The following SOCS5 variants were observed in gnomAD, a reference collection of about 807,000 sequenced individuals.
SOCS5 encodes suppressor of cytokine signaling 5, also known as CIS-6.
Under a neutral mutation model 42.8 loss-of-function variants are expected in SOCS5, and 32 were observed. That is an observed-to-expected ratio of 0.75 (90% CI 0.56 to 1.01). SOCS5 has a LOEUF of 1.01. Among genes scored for constraint, SOCS5 ranks in the 50% least tolerant of loss-of-function variants. SOCS5 has a pLI of 0.00. For missense variants in SOCS5, 627 were observed against 653.0 expected (o/e 0.96, Z 0.43); for synonymous variants, 283 against 229.6 (o/e 1.23, Z -2.10).
chr2:46,709,240 A>G (rs1352903384), intron 1 of SOCS5, among the ~76,000 whole-genome samples: 1 of 152,090 alleles, frequency 6.6e-6, no homozygotes, highest in Non-Finnish European at 1.5e-5. Context: ...TTACCTTTCC[A>G]GCCCCTTAGA....
At chr2:46,753,710 T>C (rs1274893688) in intron 1 of SOCS5, among the ~76,000 whole-genome samples, 1 of 152,070 alleles carries the variant, frequency 6.6e-6, no homozygotes, top group Non-Finnish European at 1.5e-5. Context: ...TGGTATTTCT[T>C]GATTATATGC....
intron 1 of SOCS5, among the ~76,000 whole-genome samples, chr2:46,735,036 C>T (rs575900949): frequency 5.3e-5 from 8 of 152,198 alleles, no homozygotes; most frequent in African/African-American, 1.9e-4. Flanking sequence ...TCATTAAAAC[C>T]TAGCTCATGA....
At chr2:46,708,549 G>A (rs1489436792) in intron 1 of SOCS5, among the ~76,000 whole-genome samples, 5 of 152,100 alleles carry the variant, frequency 3.3e-5, no homozygotes, top group African/African-American at 4.8e-5. Flanking sequence ...ATGATAATGC[G>A]TTCAGAACAA....
intron 1 of SOCS5, among the ~76,000 whole-genome samples, chr2:46,704,453 A>T (rs747254959): frequency 2.0e-4 from 31 of 152,216 alleles, no homozygotes; most frequent in Non-Finnish European, 4.6e-4. Flanking sequence ...TAGTTGGAGG[A>T]AGGGGAGTTA....
Position 46,760,066 on chromosome 2 carries a change from T to C in SOCS5, c.1536T>C (p.Asp512=), listed in dbSNP as rs759697617. The change falls in exon 2 of 2, where the codon GAT becomes GAC. Residue 512 remains aspartate (D), a synonymous_variant. Transcript: ENST00000394861. ...TCCCTCTACCCTCAATGTTACAGGA[T>C]TTTTTAAAAGAGTATCATTATAAAC... The part of the protein sequence containing the change: ...DGLPLPSMLQ[D]FLKEYHYKQK... 1.8e-5 allele frequency: 29 copies of C among 1,613,904 alleles called. No individual in the cohort carries two copies. In the South Asian group the frequency reaches 2.4e-4, roughly 13 times the overall value.
chr2:46,719,547 T>TAAC (rs1672833170), intron 1 of SOCS5, among the ~76,000 whole-genome samples: 8 of 152,350 alleles, frequency 5.3e-5, no homozygotes, highest in Middle Eastern at 3.4e-3. Context: ...CAGGTGTGGA[T>TAAC]GTCCTTATGT....
chr2:46,700,065 T>A (rs1184042498), intron 1 of SOCS5, among the ~76,000 whole-genome samples: 1 of 152,180 alleles, frequency 6.6e-6, no homozygotes, highest in African/African-American at 2.4e-5. Flanking sequence ...CTGCAACTAC[T>A]TGGGCTCCTA....
intron 1 of SOCS5, among the ~76,000 whole-genome samples, chr2:46,737,105 C>T (rs1212846904): frequency 6.6e-6 from 1 of 152,176 alleles, no homozygotes; most frequent in East Asian, 1.9e-4. Flanking sequence ...TCACCTCTCC[C>T]AATCTTAGCT....
At position 46,761,728 on chromosome 2, in the gene SOCS5, G is replaced by C. The variant is rs1277276931; in HGVS notation, c.*1587G>C. ...ATAGTTAATGCAGAGTTAATGAACAGTCTAATATTGACTTATCAGAATAAG... is the reference window on the plus strand; with the variant it reads ...ATAGTTAATGCAGAGTTAATGAACACTCTAATATTGACTTATCAGAATAAG... On this transcript the variant is annotated 3_prime_UTR_variant, in exon 2 of 2. Coordinates refer to ENST00000394861, the MANE Select transcript of SOCS5 (RefSeq NM_144949.3). The C allele has an allele frequency of 2.4e-5, 4 of 166,508 alleles. No homozygotes were observed. Among genetic ancestry groups the C allele is most frequent in the African/African-American group, 4.8e-5 (2 of 41,458 alleles). 10.3% of individuals were successfully genotyped at this position (166,508 alleles called of 1,614,324 possible).
At chr2:46,706,650 GA>G (rs1243166308) in intron 1 of SOCS5, among the ~76,000 whole-genome samples, 1 of 152,164 alleles carries the variant, frequency 6.6e-6, no homozygotes, top group East Asian at 1.9e-4. Flanking sequence ...TCGTTTAATA[GA>G]AAAGTCACCA....
At chr2:46,750,195 C>T (rs1194962424) in intron 1 of SOCS5, among the ~76,000 whole-genome samples, 1 of 152,146 alleles carries the variant, frequency 6.6e-6, no homozygotes, top group Non-Finnish European at 1.5e-5. Context: ...ATCCGCTTTT[C>T]ATTCTGGTGC....
chr2:46,733,584 A>G (rs1673176900), intron 1 of SOCS5, among the ~76,000 whole-genome samples: 1 of 151,204 alleles, frequency 6.6e-6, no homozygotes. Flanking sequence ...AAAAAAAGAA[A>G]AAAAAAAAAA....
Position 46,704,255 on chromosome 2 carries a change from C to T in SOCS5, c.-13+4806C>T, listed in dbSNP as rs138156985. On this transcript the variant is annotated intron_variant, in intron 1 of 1. Transcript: ENST00000394861. ...ACTTCCTTATTTTATTTGAAGATGACCATAAACAGGAACAATGTCCAGTCT... is the reference window on the plus strand; with the variant it reads ...ACTTCCTTATTTTATTTGAAGATGATCATAAACAGGAACAATGTCCAGTCT... Among the ~76,000 whole-genome samples, 657 of 152,170 alleles carry T rather than the reference C, an allele frequency of 4.3e-3. 2 individuals are homozygous for T. Among genetic ancestry groups the T allele is most frequent in the South Asian group, 0.027 (128 of 4,810 alleles).
At chr2:46,731,396 G>C (rs1281012501) in intron 1 of SOCS5, among the ~76,000 whole-genome samples, 1 of 152,204 alleles carries the variant, frequency 6.6e-6, no homozygotes, top group African/African-American at 2.4e-5. Context: ...TAGACTTTCA[G>C]CCTCCAGAAC....
intron 1 of SOCS5, among the ~76,000 whole-genome samples, chr2:46,741,324 C>G (rs986275398): frequency 6.6e-6 from 1 of 152,062 alleles, no homozygotes; most frequent in Non-Finnish European, 1.5e-5. Flanking sequence ...GCTGCAACCT[C>G]CACCTCCCAG....
intron 1 of SOCS5, among the ~76,000 whole-genome samples, chr2:46,733,057 A>C (rs910027995): frequency 2.0e-5 from 3 of 151,670 alleles, no homozygotes; most frequent in African/African-American, 7.3e-5. Flanking sequence ...AGGCCTGTTT[A>C]CATACTAGAT....
intron 1 of SOCS5, among the ~76,000 whole-genome samples, chr2:46,742,675 T>C (rs1330692985): frequency 1.3e-5 from 2 of 151,370 alleles, no homozygotes; most frequent in Admixed American, 6.6e-5. Flanking sequence ...TTACTACTTC[T>C]TTTTTTTTGA....
At chr2:46,741,425 C>T (rs981976855) in intron 1 of SOCS5, among the ~76,000 whole-genome samples, 2 of 152,068 alleles carry the variant, frequency 1.3e-5, no homozygotes, top group African/African-American at 4.8e-5. Context: ...TTTTACAAAT[C>T]CCAAAGTGTT....
In SOCS5 at chr2:46,761,080, G is replaced by T. The variant is rs1673858104; in HGVS notation, c.*939G>T. ...ACTATAATTAATAATTTGGATGGCA[G>T]AATTTATCTCTTTTTTGTAAACTCT... On this transcript the variant is annotated 3_prime_UTR_variant, in exon 2 of 2. Coordinates refer to ENST00000394861, the MANE Select transcript of SOCS5 (RefSeq NM_144949.3). 6.0e-6 allele frequency: 1 copy of T among 167,066 alleles called. No individual in the cohort carries two copies. The highest frequency in any genetic ancestry group is 2.4e-5 in the African/African-American group (1 of 41,440). 10.3% of individuals were successfully genotyped at this position (167,066 alleles called of 1,614,324 possible).
Sources: allele counts gnomAD v4.1 joint callset (sites outside exome capture counted in the v4.1 genomes callset), GRCh38; gene constraint gnomAD v4.1.1; transcripts MANE v1.5; gene names NCBI Gene and HGNC (gene_info 2026-07-23, HGNC 2026-07-21).